ALG14: variants seen among roughly 807,000 people sequenced by gnomAD.
The protein encoded by ALG14 is UDP-N-acetylglucosamine transferase subunit ALG14.
In ALG14, 17 loss-of-function variants were observed where a neutral mutation model predicts 22.8. That is an observed-to-expected ratio of 0.75 (90% confidence interval 0.51 to 1.12). ALG14 has a LOEUF of 1.12. ALG14 is among the 50% of genes most tolerant of loss of function. The pLI, the probability that ALG14 is intolerant of heterozygous loss-of-function variation, is 0.00. For synonymous variants in ALG14, 89 were observed against 103.7 expected, an observed-to-expected ratio of 0.86 and a Z score of 0.86; for missense variants, 288 against 271.8, an observed-to-expected ratio of 1.06 and a Z score of -0.42.
chr1:95,058,413 A>G (rs551169471), intron 2 of ALG14, among the ~76,000 whole-genome samples: 1 of 149,962 alleles, frequency 6.7e-6, no homozygotes, highest in East Asian at 2.1e-4. Context: ...CAGAAGTTTG[A>G]GACCAGCCTG....
At chr1:95,058,957 T>A (rs1022501485) in intron 2 of ALG14, among the ~76,000 whole-genome samples, 2 of 152,018 alleles carry the variant, frequency 1.3e-5, no homozygotes, top group African/African-American at 4.8e-5. Context: ...GCCTGGAGAA[T>A]TCCTTTAGCC....
chr1:95,046,391 A>G (rs1209917624), intron 2 of ALG14, among the ~76,000 whole-genome samples: 1 of 152,226 alleles, frequency 6.6e-6, no homozygotes. Flanking sequence ...CCCTATTGTG[A>G]ACTGTGCATG....
At chr1:95,002,244 T>A (rs1158727729) in intron 3 of ALG14, among the ~76,000 whole-genome samples, 4 of 148,478 alleles carry the variant, frequency 2.7e-5, no homozygotes, top group Non-Finnish European at 6.0e-5. Flanking sequence ...TGTAAGTACC[T>A]GGGGGGGGGA....
At chr1:94,989,121 G>A (rs1021468420) in intron 3 of ALG14, among the ~76,000 whole-genome samples, 2 of 152,040 alleles carry the variant, frequency 1.3e-5, no homozygotes, top group African/African-American at 2.4e-5. Flanking sequence ...TAATGGAAAT[G>A]GTTATTGTTG....
intron 3 of ALG14, among the ~76,000 whole-genome samples, chr1:95,001,259 T>G (rs1244307635): frequency 3.3e-5 from 5 of 152,208 alleles, no homozygotes; most frequent in Non-Finnish European, 7.3e-5. Context: ...TTGAGGATGC[T>G]CAGCCAGCCC....
In ALG14 at chr1:95,024,491, T is replaced by A. The variant is rs1476110897; in HGVS notation, c.420+2638A>T. On this transcript the variant is annotated intron_variant, in intron 3 of 3. Transcript: ENST00000370205. ...GCTAATATTAGCAGAATCTAATACA[T>A]GTCTAAAGAAAATTGGAGTTACATA... 2.0e-5 allele frequency among the ~76,000 whole-genome samples: 3 copies of A among 152,212 alleles called. No homozygotes were observed. The South Asian group carries it at 6.2e-4, about 32-fold the overall frequency.
chr1:95,042,681 T>A (rs142259965), intron 2 of ALG14, among the ~76,000 whole-genome samples: 6 of 152,352 alleles, frequency 3.9e-5, no homozygotes, highest in Non-Finnish European at 8.8e-5. Flanking sequence ...CAAATGTGAT[T>A]CCTTTTCTTG....
intron 2 of ALG14, among the ~76,000 whole-genome samples, chr1:95,044,304 T>G (rs1008730401): frequency 6.6e-6 from 1 of 152,208 alleles, no homozygotes; most frequent in South Asian, 2.1e-4. Flanking sequence ...GAGTGACCTG[T>G]GTAAAACAGT....
In ALG14 at chr1:94,978,651, A is replaced by G. The variant is rs1672440037; in HGVS notation, c.*4425T>C. ...AGACAAAGACTTTGTGGGTGGGGCA[A>G]AATCTAAGTTGGGAGTGAAGTAGAA... On this transcript the variant is annotated 3_prime_UTR_variant, in exon 4 of 4. Coordinates refer to ENST00000370205, the MANE Select transcript of ALG14 (RefSeq NM_144988.4). 1 of 152,164 alleles carries G rather than the reference A, an allele frequency of 6.6e-6. No individual in the cohort carries two copies. The highest frequency in any genetic ancestry group is 2.1e-4 in the South Asian group (1 of 4,824). 9.4% of individuals were successfully genotyped at this position (152,164 alleles called of 1,614,324 possible).
Position 94,994,108 on chromosome 1 carries a change from C to T in ALG14, c.421-10802G>A, listed in dbSNP as rs372791516. On this transcript the variant is annotated intron_variant, in intron 3 of 3. Transcript: ENST00000370205. ...TCAGGCCATGCCTGCTTAGCATCGT[C>T]ACTACAGATCTTTATCAGGCTAACC... Among the ~76,000 whole-genome samples, 6 of 152,354 alleles carry T rather than the reference C, an allele frequency of 3.9e-5. 1 individual carries two copies. Among genetic ancestry groups the T allele is most frequent in the African/African-American group, 1.4e-4 (6 of 41,594 alleles).
chr1:95,036,924 C>T (rs1674219880), intron 2 of ALG14, among the ~76,000 whole-genome samples: 2 of 152,162 alleles, frequency 1.3e-5, no homozygotes, highest in South Asian at 4.1e-4. Context: ...CCACCATGAT[C>T]CCACAGCTGG....
At chr1:95,062,341 T>G (rs926380865) in intron 2 of ALG14, among the ~76,000 whole-genome samples, 5 of 152,230 alleles carry the variant, frequency 3.3e-5, no homozygotes, top group African/African-American at 1.2e-4. Flanking sequence ...TGTGCAGGTT[T>G]ATTACACAGG....
intron 2 of ALG14, 35 bp from the exon 3 acceptor site, chr1:95,027,295 G>A: frequency 6.2e-7 from 1 of 1,609,196 alleles, no homozygotes; most frequent in Non-Finnish European, 8.5e-7. Context: ...AATCAACTGA[G>A]TCACTGATAT....
At chr1:95,030,735 C>T (rs572762831) in intron 2 of ALG14, among the ~76,000 whole-genome samples, 159 of 152,296 alleles carry the variant, frequency 1.0e-3, no homozygotes, top group African/African-American at 3.1e-3. Context: ...TATGCAAGAG[C>T]GTCTGGGGCT....
intron 3 of ALG14, among the ~76,000 whole-genome samples, chr1:95,017,112 T>C (rs12751633): frequency 0.23 from 35,040 of 151,830 alleles, 4,411 homozygotes; most frequent in African/African-American, 0.33. Context: ...GCTGCAGAAC[T>C]GGCTGATAAA....
At chr1:95,042,381 C>T (rs1045119548) in intron 2 of ALG14, among the ~76,000 whole-genome samples, 6 of 152,044 alleles carry the variant, frequency 3.9e-5, no homozygotes, top group Non-Finnish European at 5.9e-5. Context: ...AGACTCTTCG[C>T]GTTATTTATC....
chr1:95,048,546 G>C (rs150132949), intron 2 of ALG14, among the ~76,000 whole-genome samples: 1 of 152,162 alleles, frequency 6.6e-6, no homozygotes, highest in Non-Finnish European at 1.5e-5. Context: ...ACGCCTTGGA[G>C]GGGTGGATGT....
rs560691931 is a variant in ALG14, at chr1:95,006,132, A to G, written c.420+20997T>C. Among the ~76,000 whole-genome samples the G allele has an allele frequency of 7.2e-5, 11 of 152,318 alleles. No individual in the cohort carries two copies. The South Asian group carries it at 2.3e-3, about 32-fold the overall frequency. On this transcript the variant is annotated intron_variant, in intron 3 of 3. Coordinates refer to ENST00000370205, the MANE Select transcript of ALG14 (RefSeq NM_144988.4). ...TCACAGGTTTTGAGTTATCAATACG[A>G]TGAACCCGGACTGGTCTGAATTGTA...
At chr1:95,022,911 G>C (rs1463612372) in intron 3 of ALG14, among the ~76,000 whole-genome samples, 1 of 152,168 alleles carries the variant, frequency 6.6e-6, no homozygotes. Context: ...AGGAGAAAAA[G>C]TTCCTGTAAG....
Sources: gnomAD v4.1 joint callset for allele counts (sites outside exome capture counted in the v4.1 genomes callset) on GRCh38, gnomAD v4.1.1 for gene constraint, MANE v1.5 for transcripts, NCBI Gene and HGNC (gene_info 2026-07-23, HGNC 2026-07-21) for gene names.